Variants in PIK3CD observed in about 807,000 individuals in gnomAD.
The protein encoded by PIK3CD is phosphatidylinositol 4,5-bisphosphate 3-kinase catalytic subunit delta isoform.
In PIK3CD, 20 loss-of-function variants were observed where a neutral mutation model predicts 122.9. The ratio of observed to expected loss-of-function variants is 0.16; its 90% confidence interval spans 0.11 to 0.24. The LOEUF is 0.24. PIK3CD is among the 10% of genes least tolerant of loss of function. The pLI, the probability that PIK3CD is intolerant of heterozygous loss-of-function variation, is 1.00. For missense variants in PIK3CD, 787 were observed against 1,406.3 expected, an observed-to-expected ratio of 0.56 and a Z score of 7.04; for synonymous variants, 596 against 593.4, an observed-to-expected ratio of 1.00 and a Z score of -0.06.
In PIK3CD at chr1:9,722,719, C is replaced by T. The variant is rs562003178; in HGVS notation, c.2426+113C>T. ...ATGACCATCTCAGCCGGGGAAAGGG[C>T]TTTCCTAGGAAGACCCGGAGGCGGT... On this transcript the variant is annotated intron_variant, in intron 19 of 23. Coordinates refer to ENST00000377346, the MANE Select transcript of PIK3CD (RefSeq NM_005026.5). This position sits in a 1 kb window ranked among gnomAD's most constrained non-coding sequence, Gnocchi z 7.6. 6 of 936,812 alleles carry T rather than the reference C, an allele frequency of 6.4e-6. No individual in the cohort carries two copies. In the Admixed American group the frequency reaches 1.2e-4, roughly 18 times the overall value. The allele number at this position is 936,812 out of a possible 1,614,324, so 58.0% of individuals were successfully genotyped here.
At chr1:9,674,085 G>A (rs1416997814) in intron 1 of PIK3CD, among the ~76,000 whole-genome samples, 1 of 152,186 alleles carries the variant, frequency 6.6e-6, no homozygotes, top group Non-Finnish European at 1.5e-5. Context: ...CTGCTAGGTA[G>A]GAGTCAGGGT....
At chr1:9,673,059 G>A (rs1645381670) in intron 1 of PIK3CD, among the ~76,000 whole-genome samples, 1 of 151,626 alleles carries the variant, frequency 6.6e-6, no homozygotes, top group Non-Finnish European at 1.5e-5. Flanking sequence ...CTTTCTGTAT[G>A]AGGCGTACAT....
chr1:9,675,299 T>G (rs1645485868), intron 1 of PIK3CD, among the ~76,000 whole-genome samples: 1 of 135,834 alleles, frequency 7.4e-6, no homozygotes, highest in African/African-American at 2.8e-5. Context: ...GGCAGGAGAA[T>G]GGCGTGAACC....
chr1:9,680,131 T>G (rs1645694631), intron 1 of PIK3CD, among the ~76,000 whole-genome samples: 1 of 151,828 alleles, frequency 6.6e-6, no homozygotes, highest in African/African-American at 2.4e-5. Context: ...GGCCTAATGG[T>G]TTTTATTTTT....
rs781221321 is a variant in PIK3CD at position 9,716,942 on chromosome 1, C to T, written c.781-17C>T. The T allele has an allele frequency of 1.4e-5, 22 of 1,613,508 alleles. No individual in the cohort carries two copies. The highest frequency in any genetic ancestry group is 1.9e-5 in the Non-Finnish European group (22 of 1,180,000). ...TGGGGCCGCCCCACCAGCCGCTCAC[C>T]CTGCACCCCGTCTCAGTACATCTGC... On this transcript the variant is annotated splice_polypyrimidine_tract_variant and intron_variant, in intron 6 of 23. Coordinates refer to ENST00000377346, the MANE Select transcript of PIK3CD (RefSeq NM_005026.5).
chr1:9,654,082 A>G, intron 1 of PIK3CD: 1 of 1,189,708 alleles, frequency 8.4e-7, no homozygotes, highest in Non-Finnish European at 1.1e-6. Flanking sequence ...GAGAAACATA[A>G]TACAACAACC....
At chr1:9,633,539 C>T in the PIK3CD span, among the ~76,000 whole-genome samples, 11 of 151,986 alleles carry the variant, frequency 7.2e-5, no homozygotes, top group African/African-American at 2.7e-4. Flanking sequence ...AAACTCCTGA[C>T]CTCAGGCCAT....
intron 23 of PIK3CD, among the ~76,000 whole-genome samples, chr1:9,725,555 CA>C (rs1053389355): frequency 6.8e-6 from 1 of 148,058 alleles, no homozygotes; most frequent in East Asian, 2.0e-4. Flanking sequence ...AACTCGGTCT[CA>C]AAAAAAATAA....
rs1490939727 is a variant in PIK3CD, at chr1:9,715,930, C to T, written c.452C>T (p.Ala151Val). 6.2e-7 allele frequency: 1 copy of T among 1,611,868 alleles called. No homozygotes were observed. Among genetic ancestry groups the T allele is most frequent in the South Asian group, 1.1e-5 (1 of 91,042 alleles). The change falls in exon 5 of 24, where the codon GCC becomes GTC. Residue 151 changes from alanine (A) to valine (V), a missense_variant. Coordinates refer to ENST00000377346, the MANE Select transcript of PIK3CD (RefSeq NM_005026.5). The surrounding 1 kb of genome is among the most constrained non-coding windows in gnomAD (Gnocchi z 4.1). ...ATGTGCCAATTCTGCGAGGAGGCGGCCGCCCGCCGGCAGCAGCTGGGCTGG... is the reference window on the plus strand; with the variant it reads ...ATGTGCCAATTCTGCGAGGAGGCGGTCGCCCGCCGGCAGCAGCTGGGCTGG... The part of the protein sequence containing the change: ...AKMCQFCEEA[A>V]ARRQQLGWEA...
At position 9,728,264 on chromosome 1, in the gene PIK3CD, A is replaced by ATACT. The variant is rs1649998540; in HGVS notation, c.*1221_*1224dup. 6.6e-6 allele frequency: 1 copy of ATACT among 152,182 alleles called. No individual in the cohort carries two copies. Among genetic ancestry groups the ATACT allele is most frequent in the South Asian group, 2.1e-4 (1 of 4,830 alleles). 9.4% of individuals were successfully genotyped at this position (152,182 alleles called of 1,614,324 possible). ...CGTGCTGGGATCTTTCTCTCTGACTATACTTAGTTTGAAATGGTGCAGGCT... is the reference window on the plus strand; with the variant it reads ...CGTGCTGGGATCTTTCTCTCTGACTATACTTACTTAGTTTGAAATGGTGCAGGCT... On this transcript the variant is annotated 3_prime_UTR_variant, in exon 24 of 24. Coordinates refer to ENST00000377346, the MANE Select transcript of PIK3CD (RefSeq NM_005026.5).
In PIK3CD at chr1:9,715,422, C is replaced by CGTA; in HGVS notation, c.142-119_142-118insGTA. The CGTA allele has an allele frequency of 1.2e-6, 1 of 808,726 alleles. No individual in the cohort carries two copies. 50.1% of individuals were successfully genotyped at this position (808,726 alleles called of 1,614,324 possible). On this transcript the variant is annotated intron_variant, in intron 3 of 23. Coordinates refer to ENST00000377346, the MANE Select transcript of PIK3CD (RefSeq NM_005026.5). This position sits in a 1 kb window ranked among gnomAD's most constrained non-coding sequence, Gnocchi z 4.1. ...AGAGAGTGCAGATCTTGGGGTCTGC[C>CGTA]TCTGCCCTCTGGGAGGTTTGGACCC...
chr1:9,654,733 C>T (rs536773662), intron 1 of PIK3CD: 36 of 334,544 alleles, frequency 1.1e-4, no homozygotes, highest in African/African-American at 3.5e-4. Flanking sequence ...GTTTGGGGCC[C>T]CAGCAAATGT....
At position 9,718,118 on chromosome 1, in the gene PIK3CD, T is replaced by C. The variant is rs1423138057; in HGVS notation, c.1020+492T>C. 2 of 463,986 alleles carry C rather than the reference T, an allele frequency of 4.3e-6. No homozygotes were observed. The highest frequency in any genetic ancestry group is 2.0e-5 in the African/African-American group (1 of 50,422). The allele number at this position is 463,986 out of a possible 1,614,324, so 28.7% of individuals were successfully genotyped here. A position where few individuals can be genotyped will look rare whatever the true frequency, so the allele number is the denominator to read the frequency against. Reference sequence around the variant, plus strand: ...CGCAACAGCCTGCAGTCATGGGCTTTATTGTCCTGTTTGCTGGACATGATA... The same window carrying C: ...CGCAACAGCCTGCAGTCATGGGCTTCATTGTCCTGTTTGCTGGACATGATA... On this transcript the variant is annotated intron_variant, in intron 8 of 23. Coordinates refer to ENST00000377346, the MANE Select transcript of PIK3CD (RefSeq NM_005026.5). The surrounding 1 kb of genome is among the most constrained non-coding windows in gnomAD (Gnocchi z 7.2).
chr1:9,633,738 G>A, the PIK3CD span, among the ~76,000 whole-genome samples: 1 of 152,178 alleles, frequency 6.6e-6, no homozygotes, highest in East Asian at 1.9e-4. Context: ...AGTGAAAAGA[G>A]GAAATCATCG....
rs755859086 is a variant in PIK3CD at position 9,723,999 on chromosome 1, C to T, written c.2625C>T (p.Phe875=). 6.2e-7 allele frequency: 1 copy of T among 1,614,180 alleles called. No individual in the cohort carries two copies. The highest frequency in any genetic ancestry group is 8.5e-7 in the Non-Finnish European group (1 of 1,180,032). Residue 875 remains phenylalanine (F), a synonymous_variant, in exon 21 of 24, where the codon TTC becomes TTT. Transcript: ENST00000377346. This position sits in a 1 kb window ranked among gnomAD's most constrained non-coding sequence, Gnocchi z 4.9. ...GEALDRAIEE[F]TLSCAGYCVA... is the part of the protein sequence containing the mutation. ...CCCTGGATCGAGCCATTGAGGAGTT[C>T]ACCCTCTCCTGTGCTGGCTATTGTG...
chr1:9,666,531 C>G (rs1280220613), intron 1 of PIK3CD, among the ~76,000 whole-genome samples: 2 of 150,286 alleles, frequency 1.3e-5, no homozygotes, highest in Non-Finnish European at 3.0e-5. Context: ...CATGCCTGGC[C>G]GTATTCAAAG....
upstream of PIK3CD, among the ~76,000 whole-genome samples, chr1:9,649,515 G>A (rs1368174555): frequency 6.6e-6 from 1 of 152,112 alleles, no homozygotes; most frequent in Non-Finnish European, 1.5e-5. Context: ...CTACAGGCCT[G>A]AGCCATCATG....
At chr1:9,694,288 T>C (rs1646317517) in intron 2 of PIK3CD, among the ~76,000 whole-genome samples, 1 of 152,128 alleles carries the variant, frequency 6.6e-6, no homozygotes, top group African/African-American at 2.4e-5. Context: ...TCCCAGTCCT[T>C]TGGGAGGCCG....
chr1:9,717,614 C>T lies in PIK3CD; in HGVS notation c.1008C>T (p.Asp336=), dbSNP rs778249568. The T allele has an allele frequency of 8.7e-6, 14 of 1,613,906 alleles. No individual in the cohort carries two copies. The highest frequency in any genetic ancestry group is 6.7e-5 in the Admixed American group (4 of 59,996). The change falls in exon 8 of 24, where the codon GAC becomes GAT. Residue 336 remains aspartate, a synonymous_variant. Coordinates refer to ENST00000377346, the MANE Select transcript of PIK3CD (RefSeq NM_005026.5). The surrounding 1 kb of genome is among the most constrained non-coding windows in gnomAD (Gnocchi z 5.4). Reference sequence around the variant, plus strand: ...TCCAGGGCAGCAAAGTGAACGCCGACGAGCGGATGAAGGTGGGGCTCCTGG... The same window carrying T: ...TCCAGGGCAGCAAAGTGAACGCCGATGAGCGGATGAAGGTGGGGCTCCTGG... ...ELIQGSKVNA[D]ERMKLVVQAG...
Sources: gnomAD v4.1 joint callset for allele counts (sites outside exome capture counted in the v4.1 genomes callset) on GRCh38, gnomAD v4.1.1 for gene constraint, Gnocchi (gnomAD v3.1) non-coding constraint, MANE v1.5 for transcripts, NCBI Gene and HGNC (gene_info 2026-07-23, HGNC 2026-07-21) for gene names.